SPATA7: variants seen among roughly 807,000 people sequenced by gnomAD.
SPATA7 encodes spermatogenesis associated 7.
Under a neutral mutation model 51.8 loss-of-function variants are expected in SPATA7, and 43 were observed. The ratio of observed to expected loss-of-function variants is 0.83; its 90% CI spans 0.65 to 1.07. The LOEUF is 1.07. Ranked by LOEUF, SPATA7 falls within the 50% of genes least tolerant of loss-of-function variation. SPATA7 has a pLI of 0.00. For missense variants in SPATA7, 683 were observed against 701.3 expected (o/e 0.97, Z 0.30); for synonymous variants, 230 against 252.8 (o/e 0.91, Z 0.86).
At chr14:88,416,535 G>A (rs1460206689) in intron 4 of SPATA7, 176 bp from the exon 5 acceptor site, 1 of 537,764 alleles carries the variant, frequency 1.9e-6, no homozygotes, top group African/African-American at 1.9e-5. Context: ...AGGCACATGT[G>A]AAATAAATAA....
intron 4 of SPATA7, among the ~76,000 whole-genome samples, chr14:88,461,740 C>T (rs192462344): frequency 1.2e-4 from 18 of 152,170 alleles, no homozygotes; most frequent in Admixed American, 5.9e-4. Flanking sequence ...CGACAAGCCC[C>T]GTGAGATGAA....
chr14:88,433,809 CATA>C (rs1465396290), intron 10 of SPATA7, among the ~76,000 whole-genome samples: 3 of 152,098 alleles, frequency 2.0e-5, no homozygotes, highest in East Asian at 3.8e-4. Context: ...CTTTCTCTGT[CATA>C]ATAATATGCC....
At chr14:88,443,379 T>C (rs554671074), downstream of SPATA7, among the ~76,000 whole-genome samples, 1 of 152,348 alleles carries the variant, frequency 6.6e-6, no homozygotes, top group Admixed American at 6.5e-5. Flanking sequence ...CTCTAGGTTT[T>C]CTAGTTTATG....
chr14:88,467,909 G>T (rs2077390220), intron 4 of SPATA7: 2 of 614,412 alleles, frequency 3.3e-6, no homozygotes, highest in Admixed American at 2.8e-5. Flanking sequence ...GCAGGGCAAG[G>T]CCCTTGAAAC....
At chr14:88,459,459 C>G (rs1033316786), downstream of SPATA7, among the ~76,000 whole-genome samples, 1 of 152,122 alleles carries the variant, frequency 6.6e-6, no homozygotes, top group Admixed American at 6.5e-5. Context: ...TTGAATTGAT[C>G]CCTTTACCAT....
chr14:88,425,211 A>G (rs1315110497), intron 5 of SPATA7, among the ~76,000 whole-genome samples: 1 of 152,170 alleles, frequency 6.6e-6, no homozygotes, highest in Non-Finnish European at 1.5e-5. Flanking sequence ...TACCTTGCAC[A>G]TAGTAAGCAC....
chr14:88,405,765 C>A (rs1252389319), intron 4 of SPATA7, among the ~76,000 whole-genome samples: 1 of 152,184 alleles, frequency 6.6e-6, no homozygotes, highest in African/African-American at 2.4e-5. Context: ...AGCCAGTTGG[C>A]AACCCTTAGG....
In SPATA7 at chr14:88,468,271, T is replaced by C. The variant is rs750996291; in HGVS notation, c.255-1576T>C. 11 of 1,590,994 alleles carry C rather than the reference T, an allele frequency of 6.9e-6. No homozygotes were observed. In the Admixed American group the frequency reaches 7.3e-5, roughly 11 times the overall value. On this transcript the variant is annotated intron_variant, in intron 4 of 4. Transcript: ENST00000556406. Reference sequence around the variant, plus strand: ...ACTCTCGGGATGTCCAGCACCTAGGTTGAGAGAAACGGTAATGAAGATAAT... The same window carrying C: ...ACTCTCGGGATGTCCAGCACCTAGGCTGAGAGAAACGGTAATGAAGATAAT...
At chr14:88,432,168 C>G (rs2076960118) in intron 9 of SPATA7, among the ~76,000 whole-genome samples, 1 of 152,052 alleles carries the variant, frequency 6.6e-6, no homozygotes, top group Admixed American at 6.6e-5. Context: ...TTTCTAACCT[C>G]AGCAGTTCTT....
chr14:88,431,110 A>T (rs1291502596), intron 8 of SPATA7, 62 bp from the exon 9 acceptor site: 1 of 1,342,812 alleles, frequency 7.4e-7, no homozygotes, highest in Non-Finnish European at 1.1e-6. Context: ...ATACAATGTT[A>T]TTGAGTACTT....
chr14:88,434,020 A>T (rs2077008754), intron 10 of SPATA7, among the ~76,000 whole-genome samples: 1 of 152,200 alleles, frequency 6.6e-6, no homozygotes, highest in South Asian at 2.1e-4. Context: ...GTTTCAGGAT[A>T]CATAATGAAA....
intron 3 of SPATA7, among the ~76,000 whole-genome samples, chr14:88,448,698 C>G (rs1457531606): frequency 6.6e-6 from 1 of 152,166 alleles, no homozygotes; most frequent in South Asian, 2.1e-4. Flanking sequence ...AGTTTTCCTT[C>G]TAACAGTCAG....
At chr14:88,393,047 A>G (rs2075785481) in intron 2 of SPATA7, among the ~76,000 whole-genome samples, 1 of 152,120 alleles carries the variant, frequency 6.6e-6, no homozygotes, top group Non-Finnish European at 1.5e-5. Flanking sequence ...AGTATTAACA[A>G]TGGTAACTAA....
Position 88,438,117 on chromosome 14 carries a change from A to G in SPATA7, c.1495A>G (p.Lys499Glu). ...TEFFMPIYKSKHSEGVIIQQV... is the reference protein window; with the variant it reads ...TEFFMPIYKSEHSEGVIIQQV... ...ATTTTTCATGCCTATTTATAAATCA[A>G]AGCATTCAGAAGGGGTTATAATTCA... Residue 499 changes from lysine to glutamate, a missense_variant, in exon 12 of 12, where the codon AAG becomes GAG. Lys to Glu is a moderately conservative substitution (Grantham distance 56). Coordinates refer to ENST00000393545, the MANE Select transcript of SPATA7 (RefSeq NM_018418.5). The G allele has an allele frequency of 6.2e-7, 1 of 1,613,994 alleles. No homozygotes were observed. The highest frequency in any genetic ancestry group is 1.3e-5 in the African/African-American group (1 of 75,066).
At position 88,385,805 on chromosome 14, in the gene SPATA7, C is replaced by T. The variant is rs763521849; in HGVS notation, c.-14C>T. ...ATACAGCGTGTCCCTGCGGCGGCTG[C>T]AAGAGGACTAAGCATGGATGGCAGC... On this transcript the variant is annotated 5_prime_UTR_variant, in exon 1 of 12. Transcript: ENST00000393545. The T allele has an allele frequency of 6.2e-7, 1 of 1,605,628 alleles. No homozygotes were observed. The highest frequency in any genetic ancestry group is 1.1e-5 in the South Asian group (1 of 89,324).
chr14:88,429,578 G>GCTCCAATCTAATTAC, intron 8 of SPATA7, 115 bp downstream of exon 8: 1 of 631,624 alleles, frequency 1.6e-6, no homozygotes, highest in South Asian at 2.4e-5. Flanking sequence ...ATCTATTTTG[G>GCTCCAATCTAATTAC]TGTTATGTAA....
Position 88,433,088 on chromosome 14 carries a change from ATAAG to A in SPATA7, c.1083-42_1083-39del, listed in dbSNP as rs772545845. ...ACTAATGTTTCTTACAGTTTTCAGAATAAGTAAGGAATAATTTTTATGCTATATA... is the reference window on the plus strand; with the variant it reads ...ACTAATGTTTCTTACAGTTTTCAGAATAAGGAATAATTTTTATGCTATATA... On this transcript the variant is annotated intron_variant, in intron 9 of 11. Coordinates refer to ENST00000393545, the MANE Select transcript of SPATA7 (RefSeq NM_018418.5). 10 of 1,447,690 alleles carry A rather than the reference ATAAG, an allele frequency of 6.9e-6. No homozygotes were observed. In the South Asian group the frequency reaches 8.1e-5, roughly 12 times the overall value. The allele number at this position is 1,447,690 out of a possible 1,614,324, so 89.7% of individuals were successfully genotyped here.
At position 88,399,352 on chromosome 14, in the gene SPATA7, GT is replaced by G. The variant is rs762846576; in HGVS notation, c.238+3150del. On this transcript the variant is annotated intron_variant, in intron 4 of 11. Transcript: ENST00000393545. ...CTTTTTATGTTTGCAACAAACCTTCGTGTAGGCTGTCATATTTTTGAAGGAA... is the reference window on the plus strand; with the variant it reads ...CTTTTTATGTTTGCAACAAACCTTCGGTAGGCTGTCATATTTTTGAAGGAA... Among the ~76,000 whole-genome samples, 34 of 152,182 alleles carry G rather than the reference GT, an allele frequency of 2.2e-4. No individual in the cohort carries two copies. The East Asian group carries it at 6.2e-3, about 28-fold the overall frequency.
intron 1 of SPATA7, 145 bp downstream of exon 1, chr14:88,385,982 G>T (rs1375226625): frequency 1.3e-6 from 2 of 1,511,392 alleles, no homozygotes; most frequent in African/African-American, 2.8e-5. Context: ...GCCTGGAGCT[G>T]CCCAGGCCTG....
Sources: allele counts gnomAD v4.1 joint callset (sites outside exome capture counted in the v4.1 genomes callset), GRCh38; gene constraint gnomAD v4.1.1; transcripts MANE v1.5; gene names NCBI Gene and HGNC (gene_info 2026-07-23, HGNC 2026-07-21).